FANCL: variants seen among roughly 807,000 people sequenced by gnomAD.
FANCL encodes FA complementation group L.
In FANCL, 69 loss-of-function variants were observed where a neutral mutation model predicts 59.4. The observed-to-expected ratio is 1.16, with a 90% CI of 0.96 to 1.42. FANCL has a LOEUF of 1.42. Among genes scored for constraint, FANCL ranks in the 40% most tolerant of loss-of-function variants. FANCL has a pLI of 0.00. For synonymous variants in FANCL, 180 were observed against 147.1 expected, an observed-to-expected ratio of 1.22 and a Z score of -1.62; for missense variants, 519 against 447.2, an observed-to-expected ratio of 1.16 and a Z score of -1.45.
chr2:58,237,670 TC>T (rs745812922), intron 1 of FANCL, among the ~76,000 whole-genome samples: 5 of 152,224 alleles, frequency 3.3e-5, no homozygotes, highest in South Asian at 2.1e-4. Flanking sequence ...TCTAGATGTA[TC>T]GGGGGAAAAA....
At chr2:58,176,392 A>G (rs1337228472) in intron 7 of FANCL, among the ~76,000 whole-genome samples, 22 of 151,598 alleles carry the variant, frequency 1.5e-4, no homozygotes, top group Admixed American at 1.4e-3. Flanking sequence ...CTACAAGGCT[A>G]CAGTAACCAA....
At chr2:58,181,909 T>C (rs1352707281) in intron 7 of FANCL, among the ~76,000 whole-genome samples, 1 of 151,768 alleles carries the variant, frequency 6.6e-6, no homozygotes, top group Non-Finnish European at 1.5e-5. Flanking sequence ...ATTTAAAAAA[T>C]ATTTAATAAC....
intron 4 of FANCL, among the ~76,000 whole-genome samples, chr2:58,224,527 T>C (rs1311516150): frequency 6.6e-6 from 1 of 151,844 alleles, no homozygotes; most frequent in Non-Finnish European, 1.5e-5. Context: ...AGTCCTACCT[T>C]AGAAGGTTCT....
At chr2:58,191,452 T>C (rs1688909494) in intron 7 of FANCL, among the ~76,000 whole-genome samples, 1 of 151,818 alleles carries the variant, frequency 6.6e-6, no homozygotes, top group Non-Finnish European at 1.5e-5. Flanking sequence ...CCAATAAAAC[T>C]GTGAAACCAA....
At position 58,206,240 on chromosome 2, in the gene FANCL, A is replaced by G. The variant is rs12475594; in HGVS notation, c.375-2014T>C. Among the ~76,000 whole-genome samples the G allele has an allele frequency of 0.22, 33,120 of 152,072 alleles. 4,091 individuals are homozygous for G. The highest frequency in any genetic ancestry group is 0.34 in the African/African-American group (13,943 of 41,500). ...AATGGAAAAATAAAAAAGAAAAGCA[A>G]AAGAGAAATAATACATTAGCTAAAT... On this transcript the variant is annotated intron_variant, in intron 5 of 13. Transcript: ENST00000233741.
intron 7 of FANCL, among the ~76,000 whole-genome samples, chr2:58,197,429 T>C (rs1227517820): frequency 2.0e-5 from 3 of 152,172 alleles, no homozygotes; most frequent in African/African-American, 7.2e-5. Flanking sequence ...GTTTTTTCTC[T>C]TTGCCTAAGA....
At chr2:58,160,318 G>A (rs1320603250) in intron 12 of FANCL, 139 bp from the exon 13 acceptor site, 1 of 842,920 alleles carries the variant, frequency 1.2e-6, no homozygotes, top group Admixed American at 2.0e-5. Flanking sequence ...GCAAGAGTAA[G>A]GGATGTATTT....
At chr2:58,172,335 A>T (rs941228659) in intron 7 of FANCL, among the ~76,000 whole-genome samples, 2 of 152,208 alleles carry the variant, frequency 1.3e-5, no homozygotes, top group Admixed American at 6.5e-5. Flanking sequence ...TGAGCAGCCT[A>T]ACTGGGAGGC....
At chr2:58,234,182 T>C (rs1016564543) in intron 1 of FANCL, among the ~76,000 whole-genome samples, 1 of 151,986 alleles carries the variant, frequency 6.6e-6, no homozygotes, top group Non-Finnish European at 1.5e-5. Flanking sequence ...GATAACAGAC[T>C]CCATGCAAAC....
At chr2:58,236,517 A>G (rs767236818) in intron 1 of FANCL, among the ~76,000 whole-genome samples, 4 of 151,900 alleles carry the variant, frequency 2.6e-5, no homozygotes, top group Non-Finnish European at 2.9e-5. Context: ...GAGATAAAAC[A>G]GAATTACAAA....
rs3836118 is a variant in FANCL, at chr2:58,194,123, T to TA, written c.540+4470dup. 10 of 424,994 alleles carry TA rather than the reference T, an allele frequency of 2.4e-5. No individual in the cohort carries two copies. In the East Asian group the frequency reaches 4.3e-4, roughly 18 times the overall value. 26.3% of individuals were successfully genotyped at this position (424,994 alleles called of 1,614,324 possible). On this transcript the variant is annotated intron_variant, in intron 7 of 13. Coordinates refer to ENST00000233741, the MANE Select transcript of FANCL (RefSeq NM_018062.4). The stretch of plus-strand genomic sequence containing the variant: ...TTCCAAGAATGTAAGATTTCCATGA[T>TA]AAAAAAATATAAAGACCACTATTTA...
At chr2:58,198,353 TAAC>T (rs1002243510) in intron 7 of FANCL, among the ~76,000 whole-genome samples, 2 of 152,180 alleles carry the variant, frequency 1.3e-5, no homozygotes, top group African/African-American at 4.8e-5. Flanking sequence ...ATTTACAGTA[TAAC>T]AACTACTTAC....
Position 58,241,245 on chromosome 2 carries a change from G to GGT in FANCL, c.67_68dup (p.Val24ProfsTer18). On this transcript the variant is annotated frameshift_variant, in exon 1 of 14. Coordinates refer to ENST00000233741, the MANE Select transcript of FANCL (RefSeq NM_018062.4). LOFTEE classifies it high-confidence loss of function. ...GAGCCGAGATGAATCCCTCATACAC[G>GGT]GTTTTCGACCGGTTCTGGGGCAGAA... 3 of 1,614,248 alleles carry GGT rather than the reference G, an allele frequency of 1.9e-6. No individual in the cohort carries two copies. Among genetic ancestry groups the GGT allele is most frequent in the Non-Finnish European group, 2.5e-6 (3 of 1,180,038 alleles).
intron 10 of FANCL, 23 bp downstream of exon 10, chr2:58,163,006 A>G: frequency 6.2e-7 from 1 of 1,612,796 alleles, no homozygotes; most frequent in Non-Finnish European, 8.5e-7. Flanking sequence ...AAAAAGTAAA[A>G]ATTATATTGC....
At chr2:58,219,474 T>C (rs1692257629) in intron 5 of FANCL, among the ~76,000 whole-genome samples, 1 of 151,588 alleles carries the variant, frequency 6.6e-6, no homozygotes, top group Admixed American at 6.6e-5. Context: ...ACTCCTGAAG[T>C]GTGAGCTACA....
intron 4 of FANCL, among the ~76,000 whole-genome samples, chr2:58,226,241 A>G (rs1692985525): frequency 6.6e-6 from 1 of 152,188 alleles, no homozygotes; most frequent in South Asian, 2.1e-4. Flanking sequence ...TTGGGTTTTA[A>G]GAAAATAATA....
At chr2:58,231,838 A>T (rs558141101) in intron 2 of FANCL, among the ~76,000 whole-genome samples, 2 of 152,290 alleles carry the variant, frequency 1.3e-5, no homozygotes, top group African/African-American at 2.4e-5. Flanking sequence ...ATATTTTTTT[A>T]AAAATGAGAG....
chr2:58,236,791 CA>C (rs1280927014), intron 1 of FANCL, among the ~76,000 whole-genome samples: 10 of 151,746 alleles, frequency 6.6e-5, no homozygotes, highest in African/African-American at 2.4e-4. Context: ...TAACATCAAT[CA>C]AAAGAAAGAT....
At chr2:58,167,122 G>C (rs1392099990) in intron 7 of FANCL, among the ~76,000 whole-genome samples, 1 of 152,202 alleles carries the variant, frequency 6.6e-6, no homozygotes, top group Non-Finnish European at 1.5e-5. Flanking sequence ...AGAGGCAGGA[G>C]AATCACTTGA....
Sources: gnomAD v4.1 joint callset for allele counts (sites outside exome capture counted in the v4.1 genomes callset) on GRCh38, gnomAD v4.1.1 for gene constraint, MANE v1.5 for transcripts, NCBI Gene and HGNC (gene_info 2026-07-23, HGNC 2026-07-21) for gene names.